The following TSHZ2 variants were observed in gnomAD, a reference collection of about 807,000 sequenced individuals.
TSHZ2 encodes the protein teashirt homolog 2.
A neutral mutation model predicts 74.4 loss-of-function variants in TSHZ2; 21 were observed. The ratio of observed to expected loss-of-function variants is 0.28; its 90% confidence interval spans 0.20 to 0.41. The LOEUF is 0.41. Among genes scored for constraint, TSHZ2 ranks in the 10% least tolerant of loss-of-function variants. The pLI is 1.00. For missense variants in TSHZ2, 1,244 were observed against 1,293.5 expected (o/e 0.96, Z 0.59); for synonymous variants, 540 against 515.3 (o/e 1.05, Z -0.65).
chr20:53,316,103 A>G (rs1389409006), intron 2 of TSHZ2, among the ~76,000 whole-genome samples: 1 of 152,234 alleles, frequency 6.6e-6, no homozygotes, highest in South Asian at 2.1e-4. Context: ...TAAAGTAGCC[A>G]TTTAAAAGTT....
chr20:53,304,956 G>A (rs1244198465), intron 2 of TSHZ2, among the ~76,000 whole-genome samples: 3 of 132,592 alleles, frequency 2.3e-5, no homozygotes, highest in African/African-American at 5.8e-5. Context: ...TTTTTTTTGA[G>A]ACGGAGTCTT....
intron 2 of TSHZ2, among the ~76,000 whole-genome samples, chr20:53,385,456 G>A (rs912358947): frequency 3.3e-5 from 5 of 152,106 alleles, no homozygotes; most frequent in African/African-American, 7.2e-5. Flanking sequence ...CGCCTCCCTC[G>A]GTGTAGGAAA....
intron 2 of TSHZ2, among the ~76,000 whole-genome samples, chr20:53,410,729 G>A (rs1600617681): frequency 6.7e-6 from 1 of 149,398 alleles, no homozygotes; most frequent in East Asian, 2.0e-4. Context: ...AGGTTGGAGT[G>A]CAGTGGAACT....
Position 53,175,449 on chromosome 20 carries a change from G to A in TSHZ2, c.41-78050G>A, listed in dbSNP as rs73270673. On this transcript the variant is annotated intron_variant, in intron 1 of 2. Transcript: ENST00000371497. ...AGCCATTGCACCTGGCCCCCTGGGC[G>A]TTTTTTTCTTCTGCCTTGGCCCTTG... Among the ~76,000 whole-genome samples the A allele has an allele frequency of 2.9e-3, 437 of 152,030 alleles. 2 individuals are homozygous for A. Among genetic ancestry groups the A allele is most frequent in the African/African-American group, 9.8e-3 (408 of 41,502 alleles).
At chr20:53,395,220 G>A (rs930637407) in intron 2 of TSHZ2, among the ~76,000 whole-genome samples, 19 of 152,324 alleles carry the variant, frequency 1.2e-4, no homozygotes, top group African/African-American at 4.3e-4. Context: ...TCCTGGAGAA[G>A]CAGTTTCTGG....
chr20:53,333,456 TTTC>T (rs1420654011), intron 2 of TSHZ2, among the ~76,000 whole-genome samples: 1 of 151,286 alleles, frequency 6.6e-6, no homozygotes, highest in Non-Finnish European at 1.5e-5. Flanking sequence ...CCAAGCATGG[TTTC>T]TTTTTTTTTT....
At chr20:53,090,455 A>G (rs140293384) in intron 1 of TSHZ2, among the ~76,000 whole-genome samples, 199 of 152,316 alleles carry the variant, frequency 1.3e-3, no homozygotes, top group African/African-American at 4.7e-3. Flanking sequence ...GCATGAAGCC[A>G]TGGGGGAATA....
intron 1 of TSHZ2, among the ~76,000 whole-genome samples, chr20:53,235,190 C>T (rs1433006121): frequency 6.6e-6 from 1 of 151,504 alleles, no homozygotes; most frequent in Non-Finnish European, 1.5e-5. Flanking sequence ...GTTTTTGAGC[C>T]AAAGTCTCAC....
intron 2 of TSHZ2, among the ~76,000 whole-genome samples, chr20:53,432,327 G>A (rs149547754): frequency 6.6e-6 from 1 of 152,208 alleles, no homozygotes; most frequent in African/African-American, 2.4e-5. Context: ...TGGCTAAGTA[G>A]TATTCCATGC....
At chr20:53,167,418 A>C (rs1428130423) in intron 1 of TSHZ2, among the ~76,000 whole-genome samples, 2 of 152,232 alleles carry the variant, frequency 1.3e-5, no homozygotes, top group East Asian at 3.8e-4. Flanking sequence ...ACTTTCCTAA[A>C]ATCACAGGTA....
At chr20:53,456,055 T>C (rs935865177) in intron 2 of TSHZ2, among the ~76,000 whole-genome samples, 4 of 152,170 alleles carry the variant, frequency 2.6e-5, no homozygotes, top group African/African-American at 7.2e-5. Context: ...GCATGATTTA[T>C]AGTCCTTTGG....
intron 1 of TSHZ2, among the ~76,000 whole-genome samples, chr20:52,997,000 C>T (rs192002976): frequency 2.4e-4 from 36 of 151,826 alleles, no homozygotes; most frequent in Non-Finnish European, 4.1e-4. Flanking sequence ...AAATTGAGCT[C>T]GCTCAAGCAC....
At chr20:53,001,255 T>TATGTGTGTGTGTGTGTGTG (rs1982430603) in intron 1 of TSHZ2, among the ~76,000 whole-genome samples, 3 of 120,100 alleles carry the variant, frequency 2.5e-5, no homozygotes, top group Admixed American at 8.6e-5. Context: ...TGTGTGTGTG[T>TATGTGTGTGTGTGTGTGTG]TTGGGAGGGG....
At chr20:53,006,225 GT>G (rs1276166086) in intron 1 of TSHZ2, among the ~76,000 whole-genome samples, 2 of 152,184 alleles carry the variant, frequency 1.3e-5, no homozygotes, top group Admixed American at 6.5e-5. Context: ...TTGCAAAAAT[GT>G]TTGCATCCCT....
intron 2 of TSHZ2, among the ~76,000 whole-genome samples, chr20:53,310,410 A>G (rs1978730025): frequency 6.6e-6 from 1 of 152,200 alleles, no homozygotes; most frequent in Non-Finnish European, 1.5e-5. Context: ...GCTGCTGTGA[A>G]ACTAATTACC....
chr20:53,415,508 C>T (rs1983206153), intron 2 of TSHZ2, among the ~76,000 whole-genome samples: 1 of 151,994 alleles, frequency 6.6e-6, no homozygotes, highest in Admixed American at 6.6e-5. Context: ...CACACAGCCT[C>T]CTACTCTACA....
chr20:53,371,707 C>T (rs1188055756), intron 2 of TSHZ2, among the ~76,000 whole-genome samples: 1 of 152,048 alleles, frequency 6.6e-6, no homozygotes, highest in Admixed American at 6.6e-5. Flanking sequence ...GAAACCCCAT[C>T]TCTACTAAAA....
chr20:53,346,198 G>C (rs142577606), intron 2 of TSHZ2, among the ~76,000 whole-genome samples: 3 of 152,118 alleles, frequency 2.0e-5, no homozygotes, highest in Non-Finnish European at 4.4e-5. Context: ...TGTGCTGAGC[G>C]CTGCGATGAT....
intron 1 of TSHZ2, among the ~76,000 whole-genome samples, chr20:53,071,149 C>T (rs1031771993): frequency 6.6e-6 from 1 of 152,028 alleles, no homozygotes; most frequent in Non-Finnish European, 1.5e-5. Context: ...AAAAAATATC[C>T]CCCCCATTTG....
Sources: allele counts gnomAD v4.1 joint callset (sites outside exome capture counted in the v4.1 genomes callset), GRCh38; gene constraint gnomAD v4.1.1; transcripts MANE v1.5; gene names NCBI Gene and HGNC (gene_info 2026-07-23, HGNC 2026-07-21).